Variants in IQSEC3 observed in about 807,000 individuals in gnomAD.
The protein encoded by IQSEC3 is IQ motif and SEC7 domain-containing protein 3.
In IQSEC3, 50 loss-of-function variants were observed where a neutral mutation model predicts 105.4. The ratio of observed to expected loss-of-function variants is 0.47; its 90% confidence interval spans 0.38 to 0.60. IQSEC3 has a LOEUF of 0.60. Among genes scored for constraint, IQSEC3 ranks in the 20% least tolerant of loss-of-function variants. The pLI, the probability that IQSEC3 is intolerant of heterozygous loss-of-function variation, is 0.00. For missense variants in IQSEC3, 1,415 were observed against 1,630.0 expected, an observed-to-expected ratio of 0.87 and a Z score of 2.27; for synonymous variants, 708 against 746.0, an observed-to-expected ratio of 0.95 and a Z score of 0.83.
intron 2 of IQSEC3, among the ~76,000 whole-genome samples, chr12:103,066 C>T (rs1246432126): frequency 1.4e-4 from 22 of 152,076 alleles, no homozygotes; most frequent in Non-Finnish European, 2.9e-4. Flanking sequence ...AAAGATCGCC[C>T]CCTGGTCGTT....
intron 2 of IQSEC3, among the ~76,000 whole-genome samples, chr12:118,931 C>G (rs1865134011): frequency 6.6e-6 from 1 of 152,250 alleles, no homozygotes; most frequent in African/African-American, 2.4e-5. Context: ...TGTGTGAGCA[C>G]AAATGCTGGG....
At chr12:102,132 A>C (rs1285741840) in intron 2 of IQSEC3, among the ~76,000 whole-genome samples, 6 of 109,696 alleles carry the variant, frequency 5.5e-5, no homozygotes, top group African/African-American at 1.8e-4. Context: ...CTCCCCCGTC[A>C]GTCTGGCTCC....
chr12:139,466 C>A, intron 4 of IQSEC3, 112 bp downstream of exon 4: 1 of 790,066 alleles, frequency 1.3e-6, no homozygotes, highest in African/African-American at 1.8e-5. Context: ...CCACGTCATG[C>A]CAGGGTCCTC....
At position 157,582 on chromosome 12, in the gene IQSEC3, C is replaced by T. The variant is rs1347195748; in HGVS notation, c.2331C>T (p.Asp777=). 3 of 1,614,238 alleles carry T rather than the reference C, an allele frequency of 1.9e-6. No homozygotes were observed. The highest frequency in any genetic ancestry group is 1.7e-5 in the Admixed American group (1 of 60,034). ...TGGTTCAGCAGTTCCACAACCCCGA[C>T]ACCATCTTCATCCTCGCCTTCGCCA... ...PEVVQQFHNP[D]TIFILAFAII... Residue 777 remains aspartate, a synonymous_variant, in exon 7 of 14, where the codon GAC becomes GAT. Transcript: ENST00000538872.
chr12:84,147 C>T (rs148181195), intron 1 of IQSEC3, among the ~76,000 whole-genome samples: 1 of 152,336 alleles, frequency 6.6e-6, no homozygotes, highest in African/African-American at 2.4e-5. Context: ...GGGACAGAGA[C>T]CATTGTTCAG....
At chr12:75,309 C>A (rs1863474362) in intron 1 of IQSEC3, among the ~76,000 whole-genome samples, 1 of 152,188 alleles carries the variant, frequency 6.6e-6, no homozygotes, top group Non-Finnish European at 1.5e-5. Flanking sequence ...GCAGATCAGT[C>A]TAAATGTATT....
In IQSEC3 at chr12:163,523, G is replaced by C. The variant is rs899355629; in HGVS notation, c.2613G>C (p.Val871=). ...TGTCCGTGCCCCACCGCCGCCTGGT[G>C]TGCTGCAGCCGGCTCTTCGAGGTGA... ...TVLSVPHRRL[V]CCSRLFEVTD... The change falls in exon 9 of 14, where the codon GTG becomes GTC. Residue 871 remains valine, a synonymous_variant. Coordinates refer to ENST00000538872, the MANE Select transcript of IQSEC3 (RefSeq NM_001170738.2). 2 of 1,611,198 alleles carry C rather than the reference G, an allele frequency of 1.2e-6. No homozygotes were observed. The highest frequency in any genetic ancestry group is 2.7e-5 in the African/African-American group (2 of 74,838).
intron 2 of IQSEC3, among the ~76,000 whole-genome samples, chr12:119,641 G>A (rs1865155907): frequency 6.6e-6 from 1 of 152,202 alleles, no homozygotes; most frequent in African/African-American, 2.4e-5. Flanking sequence ...CCCATGGAAG[G>A]GAGGGGAGGC....
intron 1 of IQSEC3, among the ~76,000 whole-genome samples, chr12:89,789 A>G (rs1864024963): frequency 6.6e-6 from 1 of 152,036 alleles, no homozygotes; most frequent in African/African-American, 2.4e-5. Flanking sequence ...GTTCCTTTTT[A>G]TTGCTGAATA....
At chr12:170,507 G>A (rs1219341828) in intron 12 of IQSEC3, among the ~76,000 whole-genome samples, 2 of 152,246 alleles carry the variant, frequency 1.3e-5, no homozygotes, top group Non-Finnish European at 2.9e-5. Flanking sequence ...GAAATGAGAG[G>A]GGCTCCTGCG....
intron 1 of IQSEC3, among the ~76,000 whole-genome samples, chr12:79,991 A>G (rs1216816277): frequency 6.6e-6 from 1 of 152,208 alleles, no homozygotes; most frequent in Admixed American, 6.5e-5. Flanking sequence ...TTAAATATAA[A>G]AAGAGCTGCC....
intron 2 of IQSEC3, among the ~76,000 whole-genome samples, chr12:119,014 C>A (rs1195539778): frequency 6.6e-6 from 1 of 152,248 alleles, no homozygotes; most frequent in Non-Finnish European, 1.5e-5. Context: ...GGTGGATATG[C>A]TAACCTATGG....
chr12:109,122 T>G (rs1456434376), intron 2 of IQSEC3, among the ~76,000 whole-genome samples: 1 of 152,256 alleles, frequency 6.6e-6, no homozygotes, highest in African/African-American at 2.4e-5. Flanking sequence ...ACTGGCATTT[T>G]CTATCACCTG....
chr12:96,682 T>C (rs1336624708), intron 1 of IQSEC3, among the ~76,000 whole-genome samples: 1 of 152,222 alleles, frequency 6.6e-6, no homozygotes. Context: ...TCTTAAGAGC[T>C]CTGTTAAGAC....
intron 5 of IQSEC3, among the ~76,000 whole-genome samples, chr12:153,782 G>A (rs1469834934): frequency 6.6e-6 from 1 of 152,110 alleles, no homozygotes; most frequent in African/African-American, 2.4e-5. Flanking sequence ...CCCTAAGGAC[G>A]GCTGCCTGGT....
intron 11 of IQSEC3, chr12:167,350 A>G (rs1222226463): frequency 2.6e-5 from 4 of 152,300 alleles, no homozygotes; most frequent in Non-Finnish European, 5.9e-5. Context: ...ACTTTCCCCC[A>G]TCAGCCCAGG....
intron 5 of IQSEC3, among the ~76,000 whole-genome samples, chr12:155,361 G>A (rs1866650017): frequency 6.6e-6 from 1 of 152,260 alleles, no homozygotes; most frequent in Admixed American, 6.5e-5. Context: ...CCTGAGAGGA[G>A]TGGGCTTTGA....
In IQSEC3 at chr12:166,102, C is replaced by T. The variant is rs1228883320; in HGVS notation, c.2971+212C>T. ...TTAAAGTGAGGCTTGCTAGAGTGCACACACGTGTGTACACAGATCAGCAGG... is the reference window on the plus strand; with the variant it reads ...TTAAAGTGAGGCTTGCTAGAGTGCATACACGTGTGTACACAGATCAGCAGG... On this transcript the variant is annotated intron_variant, in intron 11 of 13. Coordinates refer to ENST00000538872, the MANE Select transcript of IQSEC3 (RefSeq NM_001170738.2). 8.4e-6 allele frequency: 5 copies of T among 596,082 alleles called. No individual in the cohort carries two copies. In the Admixed American group the frequency reaches 1.5e-4, roughly 18 times the overall value. The allele number at this position is 596,082 out of a possible 1,614,324, so 36.9% of individuals were successfully genotyped here. A position where few individuals can be genotyped will look rare whatever the true frequency, so the allele number is the denominator to read the frequency against.
intron 1 of IQSEC3, among the ~76,000 whole-genome samples, chr12:87,520 G>A (rs1324139752): frequency 6.6e-6 from 1 of 152,136 alleles, no homozygotes. Context: ...GGCCTCTGGG[G>A]GAAGAACCCA....
Sources: allele counts gnomAD v4.1 joint callset (sites outside exome capture counted in the v4.1 genomes callset), GRCh38; gene constraint gnomAD v4.1.1; transcripts MANE v1.5; gene names NCBI Gene and HGNC (gene_info 2026-07-23, HGNC 2026-07-21).